Variants in AIM2 observed in about 807,000 individuals in gnomAD.
AIM2 encodes absent in melanoma 2, also known as interferon-inducible protein AIM2.
AIM2 carries 30 observed loss-of-function variants against 27.7 expected under a neutral mutation model. The ratio of observed to expected loss-of-function variants is 1.08; its 90% CI spans 0.81 to 1.47. The LOEUF is 1.47. AIM2 is among the 40% of genes most tolerant of loss of function. The probability of loss-of-function intolerance (pLI) is 0.00; values close to 1 mark genes in which losing one functional copy is unlikely to be tolerated. For synonymous variants in AIM2, 141 were observed against 145.3 expected (o/e 0.97, Z 0.21); for missense variants, 358 against 411.3 (o/e 0.87, Z 1.12).
intron 1 of AIM2, among the ~76,000 whole-genome samples, chr1:159,136,374 T>G (rs139365140): frequency 6.6e-6 from 1 of 152,206 alleles, no homozygotes; most frequent in Non-Finnish European, 1.5e-5. Flanking sequence ...CTTACCCTAT[T>G]TAATTCTAGG....
intron 5 of AIM2, 111 bp downstream of exon 5, chr1:159,063,375 A>G: frequency 2.0e-6 from 2 of 1,021,030 alleles, no homozygotes; most frequent in South Asian, 1.8e-5. Flanking sequence ...TGTACTAAAT[A>G]TCAATGTCTT....
intron 1 of AIM2, among the ~76,000 whole-genome samples, chr1:159,122,005 A>G (rs1398398191): frequency 1.3e-5 from 2 of 152,210 alleles, no homozygotes; most frequent in Non-Finnish European, 2.9e-5. Context: ...TGATTTCATT[A>G]TTCATTTGAA....
upstream of AIM2, among the ~76,000 whole-genome samples, chr1:159,080,380 A>C (rs1336980190): frequency 2.6e-5 from 4 of 152,216 alleles, no homozygotes; most frequent in Non-Finnish European, 5.9e-5. Context: ...GACTCTGAAG[A>C]CTTTCATATC....
intron 1 of AIM2, among the ~76,000 whole-genome samples, chr1:159,091,277 GA>G (rs1657035309): frequency 6.6e-6 from 1 of 152,242 alleles, no homozygotes; most frequent in Admixed American, 6.5e-5. Context: ...GTAGAAGACA[GA>G]AAAGCTTGTG....
At chr1:159,127,616 TG>T (rs769215814) in intron 1 of AIM2, among the ~76,000 whole-genome samples, 1 of 151,986 alleles carries the variant, frequency 6.6e-6, no homozygotes, top group African/African-American at 2.4e-5. Context: ...TATTCCCTGT[TG>T]GGATCCTTAA....
rs1655874888 is a variant in AIM2, at chr1:159,062,586, C to G, written c.*106G>C. 9.3e-7 allele frequency: 1 copy of G among 1,077,456 alleles called. No individual in the cohort carries two copies. The highest frequency in any genetic ancestry group is 1.4e-5 in the South Asian group (1 of 73,030). The allele number at this position is 1,077,456 out of a possible 1,614,324, so 66.7% of individuals were successfully genotyped here. A position where few individuals can be genotyped will look rare whatever the true frequency, so the allele number is the denominator to read the frequency against. On this transcript the variant is annotated 3_prime_UTR_variant, in exon 6 of 6. Coordinates refer to ENST00000368130, the MANE Select transcript of AIM2 (RefSeq NM_004833.3). ...TTTGGTGGAGAGAGGAGCCTGTGAACTGCAGCTTTCAGGTAACTTACAATC... is the reference window on the plus strand; with the variant it reads ...TTTGGTGGAGAGAGGAGCCTGTGAAGTGCAGCTTTCAGGTAACTTACAATC...
upstream of AIM2, among the ~76,000 whole-genome samples, chr1:159,142,261 T>C (rs1648127388): frequency 6.6e-6 from 1 of 152,214 alleles, no homozygotes; most frequent in African/African-American, 2.4e-5. Flanking sequence ...AAGAACTGTA[T>C]CTGTCAAGCC....
chr1:159,113,829 G>A (rs1189951727), intron 1 of AIM2, among the ~76,000 whole-genome samples: 2 of 152,190 alleles, frequency 1.3e-5, no homozygotes, highest in African/African-American at 2.4e-5. Context: ...GAATAGTGGT[G>A]AGGCATGATA....
chr1:159,073,144 G>C, intron 2 of AIM2, 94 bp downstream of exon 2: 1 of 1,477,092 alleles, frequency 6.8e-7, no homozygotes, highest in Non-Finnish European at 9.3e-7. Flanking sequence ...TTCCAACAAT[G>C]TGCACTGGGG....
chr1:159,081,392 T>C (rs945345539), upstream of AIM2: 3 of 327,974 alleles, frequency 9.1e-6, no homozygotes, highest in African/African-American at 6.8e-5. Context: ...CTTTCTAAAT[T>C]TTCAAAAGTA....
At chr1:159,138,939 C>T (rs1209654749) in intron 1 of AIM2, among the ~76,000 whole-genome samples, 6 of 152,230 alleles carry the variant, frequency 3.9e-5, no homozygotes, top group Non-Finnish European at 8.8e-5. Context: ...ATTTTACATT[C>T]TGAGTATCTT....
At chr1:159,060,657 A>G (rs1475333001), downstream of AIM2, among the ~76,000 whole-genome samples, 4 of 152,216 alleles carry the variant, frequency 2.6e-5, no homozygotes. Flanking sequence ...AAATGTATGT[A>G]GAATTTTGAG....
At chr1:159,087,463 A>G (rs1656942488) in intron 1 of AIM2, among the ~76,000 whole-genome samples, 1 of 152,166 alleles carries the variant, frequency 6.6e-6, no homozygotes, top group Non-Finnish European at 1.5e-5. Flanking sequence ...TCTGGTATTT[A>G]TAGCCCACCA....
chr1:159,143,824 GGA>G (rs1430645384), upstream of AIM2, among the ~76,000 whole-genome samples: 2 of 152,268 alleles, frequency 1.3e-5, no homozygotes, highest in Admixed American at 6.5e-5. Context: ...ATACAATGAT[GGA>G]GAGATATATC....
chr1:159,110,718 C>T (rs1386318234), intron 1 of AIM2, among the ~76,000 whole-genome samples: 1 of 152,196 alleles, frequency 6.6e-6, no homozygotes, highest in Non-Finnish European at 1.5e-5. Flanking sequence ...TGTGTTCCTT[C>T]TCTATTTCCT....
chr1:159,098,494 C>T (rs1432270949), intron 1 of AIM2, among the ~76,000 whole-genome samples: 3 of 152,190 alleles, frequency 2.0e-5, no homozygotes, highest in Non-Finnish European at 2.9e-5. Context: ...ATGTGCTTAG[C>T]GGCTACTGTA....
At chr1:159,061,324 C>A (rs1352255933), downstream of AIM2, among the ~76,000 whole-genome samples, 6 of 152,024 alleles carry the variant, frequency 3.9e-5, no homozygotes, top group Non-Finnish European at 7.4e-5. Context: ...TCTTTTTGCC[C>A]ATTTTAAACA....
chr1:159,113,261 GATAGGC>G (rs1449090323), intron 1 of AIM2, among the ~76,000 whole-genome samples: 2 of 152,126 alleles, frequency 1.3e-5, no homozygotes, highest in Non-Finnish European at 2.9e-5. Context: ...AATATTACAT[GATAGGC>G]ATTTTGTCAT....
upstream of AIM2, among the ~76,000 whole-genome samples, chr1:159,079,188 T>G (rs1656715032): frequency 6.6e-6 from 1 of 151,946 alleles, no homozygotes; most frequent in South Asian, 2.1e-4. Context: ...GAAAAGACAT[T>G]GCATCCATGA....
Sources: gnomAD v4.1 joint callset for allele counts (sites outside exome capture counted in the v4.1 genomes callset) on GRCh38, gnomAD v4.1.1 for gene constraint, MANE v1.5 for transcripts, NCBI Gene and HGNC (gene_info 2026-07-23, HGNC 2026-07-21) for gene names.